TRDN: variants seen among roughly 807,000 people sequenced by gnomAD.
The protein encoded by TRDN is triadin.
A neutral mutation model predicts 149.7 loss-of-function variants in TRDN; 161 were observed. The observed-to-expected ratio is 1.08, with a 90% confidence interval of 0.95 to 1.23. The LOEUF (loss-of-function observed/expected upper bound fraction) is 1.23. TRDN is among the 50% of genes most tolerant of loss of function. The pLI is 0.00. For missense variants in TRDN, 896 were observed against 823.5 expected (o/e 1.09, Z -1.08); for synonymous variants, 294 against 250.5 (o/e 1.17, Z -1.64).
At chr6:123,375,830 T>C (rs1006540655) in intron 18 of TRDN, among the ~76,000 whole-genome samples, 199 bp from the exon 19 acceptor site, 1 of 152,174 alleles carries the variant, frequency 6.6e-6, no homozygotes, top group East Asian at 1.9e-4. Context: ...CCATGAATTA[T>C]AGAATTTTAT....
At chr6:123,471,624 T>C (rs1439982253) in intron 9 of TRDN, 2 of 152,238 alleles carry the variant, frequency 1.3e-5, no homozygotes, top group Admixed American at 1.3e-4. Context: ...AACGGTTTCT[T>C]TGCTTCCTGA....
chr6:123,312,077 A>G (rs1433805730), intron 24 of TRDN, among the ~76,000 whole-genome samples: 6 of 152,016 alleles, frequency 3.9e-5, no homozygotes, highest in Admixed American at 3.9e-4. Context: ...CATTGGCATT[A>G]GAGAATCTGA....
Position 123,225,580 on chromosome 6 carries a change from G to A in TRDN, c.1976-1449C>T, listed in dbSNP as rs545663880. Among the ~76,000 whole-genome samples, 7 of 151,380 alleles carry A rather than the reference G, an allele frequency of 4.6e-5. No homozygotes were observed. The South Asian group carries it at 1.2e-3, about 27-fold the overall frequency. The stretch of plus-strand genomic sequence containing the variant: ...CAGAATGGTGGTAACTACGTGAGGT[G>A]ATGGCCATGTTAATTAGCTTGATTT... On this transcript the variant is annotated intron_variant, in intron 38 of 40. Coordinates refer to ENST00000334268, the MANE Select transcript of TRDN (RefSeq NM_006073.4).
At chr6:123,631,674 A>G (rs1211554584) in intron 1 of TRDN, among the ~76,000 whole-genome samples, 3 of 152,068 alleles carry the variant, frequency 2.0e-5, no homozygotes, top group African/African-American at 7.2e-5. Context: ...AATTCTTATT[A>G]AAAGATTTAC....
At chr6:123,558,421 C>G (rs1472161346) in intron 2 of TRDN, among the ~76,000 whole-genome samples, 2 of 152,232 alleles carry the variant, frequency 1.3e-5, no homozygotes, top group South Asian at 4.2e-4. Flanking sequence ...TAGCCCTCCC[C>G]CACCTGCCCA....
At chr6:123,585,154 C>G (rs1783393226) in intron 1 of TRDN, among the ~76,000 whole-genome samples, 2 of 148,528 alleles carry the variant, frequency 1.3e-5, no homozygotes, top group Non-Finnish European at 3.0e-5. Context: ...TGGGGGAATA[C>G]AAGAGGAGCA....
At chr6:123,343,507 T>A (rs1241680847) in intron 21 of TRDN, among the ~76,000 whole-genome samples, 2 of 151,702 alleles carry the variant, frequency 1.3e-5, no homozygotes, top group Non-Finnish European at 2.9e-5. Context: ...TAAGAAAAAA[T>A]GTTAACTGAA....
intron 1 of TRDN, among the ~76,000 whole-genome samples, chr6:123,586,769 G>A (rs1197114678): frequency 6.6e-6 from 1 of 151,880 alleles, no homozygotes; most frequent in Non-Finnish European, 1.5e-5. Context: ...TAGTGAAGGA[G>A]ACAAACCCAG....
intron 1 of TRDN, among the ~76,000 whole-genome samples, chr6:123,596,565 A>G (rs534443536): frequency 1.1e-3 from 160 of 152,274 alleles, no homozygotes; most frequent in African/African-American, 3.4e-3. Context: ...AGAGAAGTCA[A>G]TGCTTGGCTT....
intron 1 of TRDN, among the ~76,000 whole-genome samples, chr6:123,601,119 AAGTAT>A (rs1270820157): frequency 3.3e-5 from 5 of 152,132 alleles, no homozygotes; most frequent in Admixed American, 6.6e-5. Context: ...AGGCTATTTA[AAGTAT>A]ACCATAATCA....
chr6:123,454,434 A>C (rs1775980935), intron 10 of TRDN, among the ~76,000 whole-genome samples: 2 of 152,220 alleles, frequency 1.3e-5, no homozygotes, highest in Non-Finnish European at 2.9e-5. Context: ...CAAGACAATA[A>C]GAAATTATAC....
intron 1 of TRDN, among the ~76,000 whole-genome samples, chr6:123,582,956 T>C (rs1783208263): frequency 1.3e-5 from 2 of 151,982 alleles, no homozygotes. Flanking sequence ...AAGGAATAGT[T>C]GTAATTTAGA....
At chr6:123,549,093 C>A (rs1781260550) in intron 2 of TRDN, among the ~76,000 whole-genome samples, 1 of 151,916 alleles carries the variant, frequency 6.6e-6, no homozygotes, top group Admixed American at 6.6e-5. Flanking sequence ...ATTTGTGATA[C>A]CACAGGAAGA....
At chr6:123,478,526 T>C (rs12333220) in intron 9 of TRDN, among the ~76,000 whole-genome samples, 6,027 of 152,206 alleles carry the variant, frequency 0.04, 354 homozygotes, top group African/African-American at 0.12. Flanking sequence ...GTAAGGAAAA[T>C]GGGAGATGGT....
intron 4 of TRDN, among the ~76,000 whole-genome samples, chr6:123,540,446 A>G (rs1780770013): frequency 2.0e-5 from 3 of 152,224 alleles, no homozygotes. Context: ...GATTAAAAAA[A>G]AAAAACTATA....
chr6:123,335,019 G>T (rs988990754), intron 22 of TRDN, among the ~76,000 whole-genome samples: 1 of 151,964 alleles, frequency 6.6e-6, no homozygotes, highest in African/African-American at 2.4e-5. Flanking sequence ...AAGTGAAATT[G>T]CTGCATTCTG....
At chr6:123,303,330 G>A (rs1200236774) in intron 24 of TRDN, among the ~76,000 whole-genome samples, 1 of 152,062 alleles carries the variant, frequency 6.6e-6, no homozygotes, top group African/African-American at 2.4e-5. Flanking sequence ...TAATGTTGTT[G>A]GACCTACTGT....
chr6:123,577,562 G>C (rs1328826495), intron 1 of TRDN, among the ~76,000 whole-genome samples: 1 of 152,002 alleles, frequency 6.6e-6, no homozygotes, highest in African/African-American at 2.4e-5. Flanking sequence ...GGGCATTTAG[G>C]TTGATTTCAT....
At chr6:123,388,428 G>C (rs1019635842) in intron 14 of TRDN, 94 bp downstream of exon 14, 15 of 1,372,154 alleles carry the variant, frequency 1.1e-5, no homozygotes, top group Non-Finnish European at 1.4e-5. Flanking sequence ...AGTTATCCAA[G>C]GGGAATATAG....
Sources: gnomAD v4.1 joint callset for allele counts (sites outside exome capture counted in the v4.1 genomes callset) on GRCh38, gnomAD v4.1.1 for gene constraint, MANE v1.5 for transcripts, NCBI Gene and HGNC (gene_info 2026-07-23, HGNC 2026-07-21) for gene names.